CC2D2B: variants seen among roughly 807,000 people sequenced by gnomAD.
CC2D2B encodes the protein coiled-coil and C2 domain containing 2B, also known as protein CC2D2B.
A neutral mutation model predicts 161.2 loss-of-function variants in CC2D2B; 128 were observed. That is an observed-to-expected ratio of 0.79 (90% CI 0.69 to 0.92). The LOEUF (loss-of-function observed/expected upper bound fraction) is 0.92. Among genes scored for constraint, CC2D2B ranks in the 40% least tolerant of loss-of-function variants. The pLI is 0.00. For missense variants in CC2D2B, 1,173 were observed against 1,375.1 expected, an observed-to-expected ratio of 0.85 and a Z score of 2.32; for synonymous variants, 391 against 449.8, an observed-to-expected ratio of 0.87 and a Z score of 1.65.
At chr10:95,983,181 C>A (rs1485977855) in intron 18 of CC2D2B, among the ~76,000 whole-genome samples, 1 of 152,222 alleles carries the variant, frequency 6.6e-6, no homozygotes, top group Non-Finnish European at 1.5e-5. Flanking sequence ...ACTATGCACT[C>A]ACATTTGCAT....
At chr10:96,009,632 TCA>T (rs1194813891) in intron 25 of CC2D2B, among the ~76,000 whole-genome samples, 191 bp from the exon 26 acceptor site, 1 of 152,198 alleles carries the variant, frequency 6.6e-6, no homozygotes, top group Non-Finnish European at 1.5e-5. Flanking sequence ...TAATTTTCTC[TCA>T]GACTATTATT....
chr10:96,022,335 T>G (rs2079505441), intron 32 of CC2D2B, among the ~76,000 whole-genome samples: 1 of 151,760 alleles, frequency 6.6e-6, no homozygotes, highest in Admixed American at 6.6e-5. Context: ...AAAAAAAAAG[T>G]GATGGGTTTC....
chr10:95,972,287 T>G, intron 16 of CC2D2B, 71 bp downstream of exon 16: 1 of 974,136 alleles, frequency 1.0e-6, no homozygotes, highest in South Asian at 5.3e-5. Flanking sequence ...TGACCCTGGC[T>G]CACTCACATA....
At chr10:95,981,916 T>C in intron 17 of CC2D2B, 59 bp from the exon 18 acceptor site, 1 of 873,638 alleles carries the variant, frequency 1.1e-6, no homozygotes, top group Non-Finnish European at 1.5e-6. Context: ...CAGTGTATTA[T>C]ATATAATACA....
At chr10:96,019,427 G>A in intron 31 of CC2D2B, 90 bp downstream of exon 31, 1 of 1,270,630 alleles carries the variant, frequency 7.9e-7, no homozygotes, top group Admixed American at 2.4e-5. Flanking sequence ...TTTAAATATA[G>A]ATAGTCTATC....
At chr10:96,000,371 T>C (rs1270852838) in intron 24 of CC2D2B, 1 of 340,458 alleles carries the variant, frequency 2.9e-6, no homozygotes, top group Admixed American at 6.5e-5. Flanking sequence ...TGTATTTATA[T>C]ATTTATCTTT....
intron 33 of CC2D2B, among the ~76,000 whole-genome samples, chr10:96,026,549 G>GT (rs2079785624): frequency 6.6e-6 from 1 of 152,186 alleles, no homozygotes; most frequent in African/African-American, 2.4e-5. Context: ...AAATGTCCAA[G>GT]TCAAGGGAGG....
chr10:95,966,048 T>G, intron 13 of CC2D2B, 50 bp downstream of exon 13: 2 of 796,052 alleles, frequency 2.5e-6, no homozygotes, highest in Non-Finnish European at 3.4e-6. Flanking sequence ...TAATATTTTA[T>G]TTTTTGATAG....
chr10:96,020,853 C>G (rs918949092), intron 32 of CC2D2B: 6 of 152,180 alleles, frequency 3.9e-5, no homozygotes, highest in African/African-American at 1.2e-4. Flanking sequence ...GGCAGCAGAG[C>G]AAGACCCTGT....
At chr10:95,986,570 C>T (rs953261508) in intron 19 of CC2D2B, among the ~76,000 whole-genome samples, 4 of 151,680 alleles carry the variant, frequency 2.6e-5, no homozygotes, top group Non-Finnish European at 2.9e-5. Flanking sequence ...AAATAAGACA[C>T]GAAAAGTATA....
chr10:95,983,739 G>T lies in CC2D2B; in HGVS notation c.2216G>T (p.Gly739Val). 1 of 1,231,072 alleles carries T rather than the reference G, an allele frequency of 8.1e-7. No individual in the cohort carries two copies. Among genetic ancestry groups the T allele is most frequent in the East Asian group, 3.2e-5 (1 of 31,626 alleles). 76.3% of individuals were successfully genotyped at this position (1,231,072 alleles called of 1,614,324 possible). A position where few individuals can be genotyped will look rare whatever the true frequency, so the allele number is the denominator to read the frequency against. The change falls in exon 19 of 35, where the codon GGT becomes GTT. Residue 739 changes from glycine to valine, a missense_variant. By Grantham distance (109) the Gly-to-Val change is moderately radical (BLOSUM62 -3). Transcript: ENST00000646931. ...RFQLLQLRNA[G>V]QLDNFLLQQM... is the part of the protein sequence containing the mutation. ...CAGCTATTGCAACTTAGAAATGCAG[G>T]TCAATTAGATAATTTCCTTCTACAG...
intron 28 of CC2D2B, among the ~76,000 whole-genome samples, chr10:96,013,069 TGTCA>T (rs1314461723): frequency 2.0e-5 from 3 of 152,212 alleles, no homozygotes; most frequent in Non-Finnish European, 2.9e-5. Context: ...CTCCTTTGCT[TGTCA>T]AGGATTGTGA....
intron 10 of CC2D2B, among the ~76,000 whole-genome samples, chr10:95,954,831 G>A (rs751069816): frequency 6.6e-6 from 1 of 152,058 alleles, no homozygotes; most frequent in Non-Finnish European, 1.5e-5. Flanking sequence ...ACCTCCAACT[G>A]TGACAGACGT....
At chr10:95,944,055 GT>G in intron 9 of CC2D2B, among the ~76,000 whole-genome samples, 1 of 152,024 alleles carries the variant, frequency 6.6e-6, no homozygotes, top group East Asian at 1.9e-4. Flanking sequence ...TTATTGGCTT[GT>G]TTTATAATTT....
chr10:95,908,422 T>C (rs2141074691), intron 1 of CC2D2B, among the ~76,000 whole-genome samples: 1 of 152,334 alleles, frequency 6.6e-6, no homozygotes, highest in African/African-American at 2.4e-5. Flanking sequence ...AAATTCGCAT[T>C]ATGAACTACA....
rs1173409549 is a variant in CC2D2B at position 96,012,218 on chromosome 10, GT to G, written c.3083del (p.Leu1028CysfsTer22). 1 of 700,410 alleles carries G rather than the reference GT, an allele frequency of 1.4e-6. No homozygotes were observed. The highest frequency in any genetic ancestry group is 2.6e-6 in the Non-Finnish European group (1 of 379,758). 43.4% of individuals were successfully genotyped at this position (700,410 alleles called of 1,614,324 possible). A position where few individuals can be genotyped will look rare whatever the true frequency, so the allele number is the denominator to read the frequency against. ...AACATTTCAAGTAACTATTCCACCA[GT>G]TTTGCTCGGGTATACTTGGAGTAAT... ...SGTFQVTIPP[V>X]LLGYTWSNTY... On this transcript the variant is annotated frameshift_variant, in exon 27 of 35. Transcript: ENST00000646931. LOFTEE classifies it high-confidence loss of function.
At chr10:95,961,744 A>T in intron 11 of CC2D2B, 85 bp from the exon 12 acceptor site, 1 of 650,768 alleles carries the variant, frequency 1.5e-6, no homozygotes, top group Non-Finnish European at 2.2e-6. Context: ...CAGAAGAGTT[A>T]TTGCAATACA....
At chr10:95,934,021 GTTT>G (rs2075714253) in intron 6 of CC2D2B, among the ~76,000 whole-genome samples, 1 of 152,206 alleles carries the variant, frequency 6.6e-6, no homozygotes, top group Non-Finnish European at 1.5e-5. Flanking sequence ...GGAGATGGGA[GTTT>G]TATTTATAAG....
At chr10:95,925,151 G>A (rs556190141) in intron 5 of CC2D2B, among the ~76,000 whole-genome samples, 2 of 152,256 alleles carry the variant, frequency 1.3e-5, no homozygotes, top group Middle Eastern at 3.4e-3. Context: ...ATTTGAACAG[G>A]CAACAATCCA....
Sources: gnomAD v4.1 joint callset for allele counts (sites outside exome capture counted in the v4.1 genomes callset) on GRCh38, gnomAD v4.1.1 for gene constraint, MANE v1.5 for transcripts, NCBI Gene and HGNC (gene_info 2026-07-23, HGNC 2026-07-21) for gene names.